The following JOSD1 variants were observed in gnomAD, a reference collection of about 807,000 sequenced individuals.
The protein encoded by JOSD1 is Josephin domain containing 1, also known as josephin-1.
In JOSD1, 11 loss-of-function variants were observed where a neutral mutation model predicts 24.3. The observed-to-expected ratio is 0.45, with a 90% CI of 0.29 to 0.75. The LOEUF (loss-of-function observed/expected upper bound fraction) is 0.75, where lower values mean the gene tolerates loss of function less well. JOSD1 is among the 30% of genes least tolerant of loss of function. The probability of loss-of-function intolerance (pLI) is 0.11; values close to 1 mark genes in which losing one functional copy is unlikely to be tolerated. For missense variants in JOSD1, 184 were observed against 253.5 expected, an observed-to-expected ratio of 0.73 and a Z score of 1.86; for synonymous variants, 106 against 93.8, an observed-to-expected ratio of 1.13 and a Z score of -0.75.
chr22:38,699,012 C>G (rs749068663), intron 2 of JOSD1, among the ~76,000 whole-genome samples: 1 of 152,174 alleles, frequency 6.6e-6, no homozygotes, highest in Non-Finnish European at 1.5e-5. Context: ...CCTCCTCGGC[C>G]TCCCAAAGTG....
chr22:38,696,041 A>G (rs1314234056), intron 2 of JOSD1, among the ~76,000 whole-genome samples: 1 of 152,080 alleles, frequency 6.6e-6, no homozygotes, highest in Admixed American at 6.5e-5. Context: ...AGGCAGACAG[A>G]GCAAGACTCC....
chr22:38,694,776 G>A (rs141854881), intron 2 of JOSD1, among the ~76,000 whole-genome samples: 105 of 150,558 alleles, frequency 7.0e-4, no homozygotes, highest in African/African-American at 2.4e-3. Flanking sequence ...GCAGGAGAAT[G>A]GCCTGAACCT....
chr22:38,688,861 CAG>C lies in JOSD1; in HGVS notation c.509+72_509+73del, dbSNP rs576075580. The C allele has an allele frequency of 4.5e-3, 5,926 of 1,321,442 alleles. 29 individuals are homozygous for C. The highest frequency in any genetic ancestry group is 5.2e-3 in the Non-Finnish European group (4,976 of 947,970). The allele number at this position is 1,321,442 out of a possible 1,614,324, so 81.9% of individuals were successfully genotyped here. A position where few individuals can be genotyped will look rare whatever the true frequency, so the allele number is the denominator to read the frequency against. ...AATTTCATTTCCTTTGTCAAATAAC[CAG>C]AGATGAGCTCAGTGTCCCCAACCTA... is the stretch of plus-strand genomic sequence containing the variant. On this transcript the variant is annotated intron_variant, in intron 4 of 4. Transcript: ENST00000683374.
chr22:38,696,039 A>G (rs987867053), intron 2 of JOSD1, among the ~76,000 whole-genome samples: 8 of 152,126 alleles, frequency 5.3e-5, no homozygotes, highest in Admixed American at 2.0e-4. Context: ...CTAGGCAGAC[A>G]GAGCAAGACT....
intron 2 of JOSD1, among the ~76,000 whole-genome samples, chr22:38,695,988 G>A (rs538066852): frequency 6.6e-5 from 10 of 152,192 alleles, no homozygotes; most frequent in South Asian, 6.2e-4. Context: ...CCCAGAAGGC[G>A]GAGGCTGCAG....
chr22:38,691,531 T>C (rs1389859603), intron 2 of JOSD1, among the ~76,000 whole-genome samples: 1 of 152,218 alleles, frequency 6.6e-6, no homozygotes, highest in Admixed American at 6.5e-5. Context: ...TTTATTACAC[T>C]GACCTTCTTA....
chr22:38,691,145 G>A (rs928118557), intron 2 of JOSD1, among the ~76,000 whole-genome samples: 1 of 152,078 alleles, frequency 6.6e-6, no homozygotes, highest in African/African-American at 2.4e-5. Context: ...TGGGAGTATC[G>A]CTTGAGCCTG....
chr22:38,689,304 G>C lies in JOSD1; in HGVS notation c.306C>G (p.Asp102Glu), dbSNP rs964248730. 6.2e-7 allele frequency: 1 copy of C among 1,614,200 alleles called. No homozygotes were observed. The highest frequency in any genetic ancestry group is 1.1e-5 in the South Asian group (1 of 91,088). The change falls in exon 3 of 5, where the codon GAC becomes GAG. Residue 102 changes from aspartate (D) to glutamate (E), a missense_variant. Coordinates refer to ENST00000683374, the MANE Select transcript of JOSD1 (RefSeq NM_001360236.2). Reference sequence around the variant, plus strand: ...AGCCTGATTCAGATTACCTGCGCTTGTCCCACCAAACAGCTTCATAGCCTT... The same window carrying C: ...AGCCTGATTCAGATTACCTGCGCTTCTCCCACCAAACAGCTTCATAGCCTT... ...QTKGYEAVWW[D>E]KRRDVGVIAL... is the part of the protein sequence containing the mutation.
intron 2 of JOSD1, among the ~76,000 whole-genome samples, chr22:38,696,775 GCT>G (rs1443174226): frequency 1.3e-5 from 2 of 152,154 alleles, no homozygotes; most frequent in Non-Finnish European, 2.9e-5. Context: ...CATTAGCTCA[GCT>G]CTGAGTTCCT....
At chr22:38,689,493 G>A in intron 2 of JOSD1, 69 bp from the exon 3 acceptor site, 1 of 1,588,884 alleles carries the variant, frequency 6.3e-7, no homozygotes, top group Non-Finnish European at 8.6e-7. Flanking sequence ...GCACTACCAG[G>A]GATGGAGAGC....
intron 2 of JOSD1, among the ~76,000 whole-genome samples, chr22:38,694,081 C>G (rs998067014): frequency 3.3e-5 from 5 of 152,184 alleles, no homozygotes; most frequent in Non-Finnish European, 7.3e-5. Context: ...AATTTGAATA[C>G]AGGAAATATT....
chr22:38,696,229 C>A (rs1024721586), intron 2 of JOSD1, among the ~76,000 whole-genome samples: 1 of 151,304 alleles, frequency 6.6e-6, no homozygotes, highest in Non-Finnish European at 1.5e-5. Context: ...TTTTTCAAAC[C>A]TTATACCCCC....
intron 2 of JOSD1, among the ~76,000 whole-genome samples, chr22:38,695,444 G>GATTTTTT (rs774166895): frequency 8.7e-6 from 1 of 114,774 alleles, no homozygotes; most frequent in Non-Finnish European, 1.8e-5. Context: ...TTTTTGCCTA[G>GATTTTTT]TTTTTTTTTT....
chr22:38,694,891 AAGACGGGTTCT>A (rs1203498736), intron 2 of JOSD1, among the ~76,000 whole-genome samples: 1 of 151,114 alleles, frequency 6.6e-6, no homozygotes, highest in African/African-American at 2.4e-5. Context: ...AAAAAGTGAA[AAGACGGGTTCT>A]AGTCCAGGTC....
intron 2 of JOSD1, among the ~76,000 whole-genome samples, chr22:38,690,881 C>T (rs1420057184): frequency 1.3e-5 from 2 of 151,896 alleles, no homozygotes; most frequent in African/African-American, 2.4e-5. Flanking sequence ...ATTAGCCAGG[C>T]GTGGTGGTGC....
intron 2 of JOSD1, among the ~76,000 whole-genome samples, chr22:38,692,542 G>T (rs997730354): frequency 6.6e-6 from 1 of 152,158 alleles, no homozygotes; most frequent in African/African-American, 2.4e-5. Flanking sequence ...ACTTTGGGAG[G>T]CCGAGGTGGG....
At chr22:38,699,070 T>C (rs909295269) in intron 2 of JOSD1, among the ~76,000 whole-genome samples, 1 of 152,284 alleles carries the variant, frequency 6.6e-6, no homozygotes, top group East Asian at 1.9e-4. Flanking sequence ...TATTAACCTG[T>C]GGGGTGGCAT....
Position 38,689,276 on chromosome 22 carries a change from T to C in JOSD1, c.314+20A>G. The C allele has an allele frequency of 1.2e-6, 2 of 1,614,172 alleles. No homozygotes were observed. Among genetic ancestry groups the C allele is most frequent in the Non-Finnish European group, 1.7e-6 (2 of 1,180,002 alleles). ...CACAACCGTGCTGTTCTCCATCAAG[T>C]CAAGCCTGATTCAGATTACCTGCGC... On this transcript the variant is annotated intron_variant, in intron 3 of 4. Coordinates refer to ENST00000683374, the MANE Select transcript of JOSD1 (RefSeq NM_001360236.2).
At chr22:38,699,721 G>T in intron 2 of JOSD1, 82 bp downstream of exon 2, 3 of 1,325,998 alleles carry the variant, frequency 2.3e-6, no homozygotes, top group Non-Finnish European at 3.3e-6. Flanking sequence ...CAGCTTTGAA[G>T]GTTTATGAAG....
Sources: gnomAD v4.1 joint callset for allele counts (sites outside exome capture counted in the v4.1 genomes callset) on GRCh38, gnomAD v4.1.1 for gene constraint, MANE v1.5 for transcripts, NCBI Gene and HGNC (gene_info 2026-07-23, HGNC 2026-07-21) for gene names.